Variants in DEAF1 observed in about 807,000 individuals in gnomAD.
The protein encoded by DEAF1 is DEAF1 transcription factor.
DEAF1 carries 53 observed loss-of-function variants against 58.9 expected under a neutral mutation model. That is an observed-to-expected ratio of 0.90 (90% CI 0.72 to 1.13). The LOEUF is 1.13. DEAF1 is among the 50% of genes most tolerant of loss of function. The pLI is 0.00. For missense variants in DEAF1, 685 were observed against 791.4 expected, an observed-to-expected ratio of 0.87 and a Z score of 1.61; for synonymous variants, 385 against 340.4, an observed-to-expected ratio of 1.13 and a Z score of -1.44.
At chr11:660,328 G>A (rs1275511664) in intron 10 of DEAF1, among the ~76,000 whole-genome samples, 4 of 152,226 alleles carry the variant, frequency 2.6e-5, no homozygotes, top group Non-Finnish European at 5.9e-5. Flanking sequence ...GGAAGCATCA[G>A]ACAAATTCAG....
chr11:686,974 G>C lies in DEAF1; in HGVS notation c.688C>G (p.Gln230Glu), dbSNP rs1365792138. Residue 230 changes from glutamine (Q) to glutamate (E), a missense_variant, in exon 5 of 12, where the codon CAG (glutamine) becomes GAG (glutamate). Physicochemically the swap from Gln to Glu is conservative, Grantham distance 29 (BLOSUM62 2). Transcript: ENST00000382409. ...GSGGRGRCIK[Q>E]GENWYSPTEF... ...GTGGGACTGTACCAGTTCTCCCCCT[G>C]CTTGATGCACCGTCCCCGGCCGCCT... The C allele has an allele frequency of 6.2e-6, 10 of 1,614,052 alleles. No individual in the cohort carries two copies. The highest frequency in any genetic ancestry group is 2.2e-5 in the East Asian group (1 of 44,900).
intron 10 of DEAF1, among the ~76,000 whole-genome samples, chr11:673,645 T>C (rs1232364651): frequency 6.6e-6 from 1 of 152,194 alleles, no homozygotes; most frequent in Non-Finnish European, 1.5e-5. Flanking sequence ...CACGTTACCG[T>C]ACCCGAAAAA....
At chr11:685,638 T>G (rs1346810443) in intron 5 of DEAF1, among the ~76,000 whole-genome samples, 1 of 151,604 alleles carries the variant, frequency 6.6e-6, no homozygotes, top group Non-Finnish European at 1.5e-5. Context: ...GAGGTTACAG[T>G]GAGCTGAGAT....
At chr11:696,952 G>A (rs1453019252), upstream of DEAF1, among the ~76,000 whole-genome samples, 4 of 147,798 alleles carry the variant, frequency 2.7e-5, no homozygotes, top group African/African-American at 7.4e-5. Flanking sequence ...GATGGTGCAT[G>A]CCTGTAATCC....
chr11:689,202 CTTTTTTTTTTT>C (rs34046317), intron 2 of DEAF1, among the ~76,000 whole-genome samples: 1 of 94,182 alleles, frequency 1.1e-5, no homozygotes, highest in Non-Finnish European at 2.1e-5. Flanking sequence ...TTTTCTTTTT[CTTTTTTTTTTT>C]TTTTTTTTTT....
upstream of DEAF1, chr11:700,197 T>C (rs1268082430): frequency 1.9e-6 from 3 of 1,614,084 alleles, no homozygotes; most frequent in South Asian, 3.3e-5. Context: ...TACTACGCCC[T>C]GTATTTCCTC....
intron 1 of DEAF1, 101 bp from the exon 2 acceptor site, chr11:691,699 T>C: frequency 1.1e-6 from 1 of 921,122 alleles, no homozygotes; most frequent in Non-Finnish European, 1.7e-6. Flanking sequence ...CCCCCTCAGG[T>C]GTGTGCCCTT....
intron 1 of DEAF1, chr11:703,180 G>A (rs779586830): frequency 6.3e-7 from 1 of 1,579,058 alleles, no homozygotes. Context: ...CCCACACTGG[G>A]GCCCTCCTCC....
chr11:654,194 A>C, intron 10 of DEAF1, 143 bp from the exon 11 acceptor site: 1 of 600,286 alleles, frequency 1.7e-6, no homozygotes, highest in South Asian at 1.8e-5. Context: ...TTTGAGATGG[A>C]GTCTCACTCT....
chr11:683,109 C>T (rs1258525828), intron 6 of DEAF1, among the ~76,000 whole-genome samples: 1 of 152,070 alleles, frequency 6.6e-6, no homozygotes, highest in East Asian at 1.9e-4. Flanking sequence ...TTTCTGGAGA[C>T]CTTAAGGGGT....
chr11:701,458 TG>T (rs1339949080), intron 1 of DEAF1, among the ~76,000 whole-genome samples: 2 of 140,160 alleles, frequency 1.4e-5, no homozygotes, highest in Non-Finnish European at 3.0e-5. Context: ...TCGCCCAGGC[TG>T]GAGTGCAGTG....
At chr11:655,955 C>T (rs1171031244) in intron 10 of DEAF1, among the ~76,000 whole-genome samples, 10 of 151,956 alleles carry the variant, frequency 6.6e-5, no homozygotes, top group African/African-American at 2.4e-4. Context: ...GCCTCAGCCT[C>T]CCCACAGCTG....
intron 1 of DEAF1, chr11:705,123 C>T (rs901364575): frequency 1.2e-4 from 24 of 195,542 alleles, no homozygotes; most frequent in African/African-American, 5.6e-4. Flanking sequence ...CCTATGGCGC[C>T]TCCCCAGGAA....
chr11:687,040 G>T, intron 4 of DEAF1, 43 bp from the exon 5 acceptor site: 1 of 1,612,106 alleles, frequency 6.2e-7, no homozygotes, highest in Non-Finnish European at 8.5e-7. Context: ...AGGTGGGAAC[G>T]TCACCTCTGC....
At chr11:670,511 T>A (rs1005577854) in intron 10 of DEAF1, among the ~76,000 whole-genome samples, 6 of 151,684 alleles carry the variant, frequency 4.0e-5, no homozygotes, top group Non-Finnish European at 7.4e-5. Context: ...GGCCTGGAGT[T>A]TAAGACCAGC....
chr11:702,171 C>A (rs1235217520), intron 1 of DEAF1, among the ~76,000 whole-genome samples: 1 of 152,204 alleles, frequency 6.6e-6, no homozygotes, highest in Non-Finnish European at 1.5e-5. Context: ...GCCTCAGACA[C>A]ACTAGGAGGA....
At chr11:680,411 A>G (rs967360947) in intron 7 of DEAF1, among the ~76,000 whole-genome samples, 1 of 152,192 alleles carries the variant, frequency 6.6e-6, no homozygotes, top group Non-Finnish European at 1.5e-5. Flanking sequence ...ATTTTCTCCT[A>G]TTGCTACCTC....
intron 10 of DEAF1, among the ~76,000 whole-genome samples, chr11:657,075 G>A (rs1205605969): frequency 6.6e-6 from 1 of 152,012 alleles, no homozygotes; most frequent in African/African-American, 2.4e-5. Flanking sequence ...TGCAGCTGAG[G>A]GCCTCCACGT....
At chr11:653,505 C>G (rs1380251952) in intron 11 of DEAF1, among the ~76,000 whole-genome samples, 2 of 138,252 alleles carry the variant, frequency 1.4e-5, no homozygotes, top group African/African-American at 5.6e-5. Context: ...TCGCGTGGCT[C>G]TGCAGGGGTG....
Sources: allele counts gnomAD v4.1 joint callset (sites outside exome capture counted in the v4.1 genomes callset), GRCh38; gene constraint gnomAD v4.1.1; transcripts MANE v1.5; gene names NCBI Gene and HGNC (gene_info 2026-07-23, HGNC 2026-07-21).